Variants in DOCK1 observed in about 807,000 individuals in gnomAD.
DOCK1 encodes the protein dedicator of cytokinesis protein 1.
DOCK1 carries 138 observed loss-of-function variants against 262.7 expected under a neutral mutation model. That is an observed-to-expected ratio of 0.53 (90% confidence interval 0.46 to 0.61). The LOEUF (loss-of-function observed/expected upper bound fraction) is 0.61. DOCK1 is among the 20% of genes least tolerant of loss of function. The pLI is 0.00. For synonymous variants in DOCK1, 866 were observed against 867.4 expected (o/e 1.00, Z 0.03); for missense variants, 1,908 against 2,370.7 (o/e 0.80, Z 4.05).
intron 27 of DOCK1, among the ~76,000 whole-genome samples, chr10:127,168,967 A>G (rs554911028): frequency 1.3e-5 from 2 of 152,308 alleles, no homozygotes; most frequent in African/African-American, 4.8e-5. Flanking sequence ...TTATCCCCTG[A>G]CAGGTCTCTC....
At chr10:127,091,532 C>G (rs1159157062) in intron 23 of DOCK1, among the ~76,000 whole-genome samples, 1 of 152,194 alleles carries the variant, frequency 6.6e-6, no homozygotes, top group East Asian at 1.9e-4. Context: ...GAGATCTTCA[C>G]TGGGGATCAA....
At chr10:127,087,837 C>G (rs1312416817) in intron 23 of DOCK1, among the ~76,000 whole-genome samples, 2 of 152,148 alleles carry the variant, frequency 1.3e-5, no homozygotes, top group Non-Finnish European at 2.9e-5. Flanking sequence ...TACATGGGGA[C>G]TCTCACCCTG....
chr10:126,977,060 A>G (rs2038596672), intron 2 of DOCK1, among the ~76,000 whole-genome samples: 1 of 152,168 alleles, frequency 6.6e-6, no homozygotes, highest in Non-Finnish European at 1.5e-5. Flanking sequence ...TTAGCTTTCC[A>G]GAAACTAGAT....
intron 27 of DOCK1, among the ~76,000 whole-genome samples, chr10:127,180,965 C>T (rs1269886747): frequency 6.6e-6 from 1 of 152,104 alleles, no homozygotes; most frequent in Non-Finnish European, 1.5e-5. Context: ...GGTACAGCGT[C>T]GTTCTGGTTT....
chr10:127,039,965 C>T (rs2043910124), intron 19 of DOCK1, among the ~76,000 whole-genome samples: 1 of 152,126 alleles, frequency 6.6e-6, no homozygotes, highest in Non-Finnish European at 1.5e-5. Flanking sequence ...GTGTGAAGGC[C>T]CTCCTTCAGG....
At chr10:127,233,488 G>A (rs142832384) in intron 27 of DOCK1, among the ~76,000 whole-genome samples, 12 of 152,242 alleles carry the variant, frequency 7.9e-5, no homozygotes, top group African/African-American at 2.9e-4. Context: ...AATGTGATGT[G>A]AAACATCTAC....
intron 27 of DOCK1, among the ~76,000 whole-genome samples, chr10:127,198,798 A>C (rs533215594): frequency 2.0e-5 from 3 of 149,194 alleles, no homozygotes; most frequent in Admixed American, 1.3e-4. Context: ...GCTTAAGTGC[A>C]TGTCTTCAGC....
intron 1 of DOCK1, among the ~76,000 whole-genome samples, chr10:126,912,665 G>A (rs2031966274): frequency 6.6e-6 from 1 of 150,502 alleles, no homozygotes; most frequent in African/African-American, 2.5e-5. Context: ...GGCGGAGCTT[G>A]CAGTGAGCCG....
chr10:127,023,733 C>T (rs1258267052), intron 14 of DOCK1, among the ~76,000 whole-genome samples: 4 of 151,836 alleles, frequency 2.6e-5, no homozygotes, highest in African/African-American at 4.8e-5. Flanking sequence ...CCACAGTGCC[C>T]GAGCAGGTCC....
At chr10:127,380,559 T>C (rs909549894) in intron 36 of DOCK1, among the ~76,000 whole-genome samples, 1 of 152,234 alleles carries the variant, frequency 6.6e-6, no homozygotes, top group African/African-American at 2.4e-5. Context: ...GTGTTTTTTA[T>C]GTCTTTCTTC....
intron 21 of DOCK1, among the ~76,000 whole-genome samples, chr10:127,051,310 A>T (rs187705436): frequency 6.6e-6 from 1 of 152,084 alleles, no homozygotes; most frequent in Non-Finnish European, 1.5e-5. Context: ...TAAAATCTTC[A>T]TGTGTCCACT....
chr10:127,201,222 C>T (rs1338975831), intron 27 of DOCK1, among the ~76,000 whole-genome samples: 1 of 152,196 alleles, frequency 6.6e-6, no homozygotes, highest in East Asian at 1.9e-4. Flanking sequence ...TTCCCCTTGT[C>T]ATATTCTGCT....
chr10:127,125,415 A>G, intron 25 of DOCK1, 59 bp from the exon 26 acceptor site: 1 of 1,603,992 alleles, frequency 6.2e-7, no homozygotes, highest in East Asian at 2.2e-5. Context: ...AGCTTATAGC[A>G]AACACGAGTT....
intron 21 of DOCK1, among the ~76,000 whole-genome samples, chr10:127,045,418 C>T (rs773272860): frequency 3.9e-5 from 6 of 152,036 alleles, no homozygotes; most frequent in Non-Finnish European, 8.8e-5. Context: ...CATGGAAGGT[C>T]GCCTCCGCAT....
rs1489859592 is a variant in DOCK1 at position 127,326,217 on chromosome 10, C to T, written c.3045-12789C>T. On this transcript the variant is annotated intron_variant, in intron 29 of 51. Transcript: ENST00000623213. Reference sequence around the variant, plus strand: ...AAGGCAACAGTGAAATTTGCCACATCATTTGATGCTTCCTTTCACTCAAGA... The same window carrying T: ...AAGGCAACAGTGAAATTTGCCACATTATTTGATGCTTCCTTTCACTCAAGA... 2.6e-5 allele frequency among the ~76,000 whole-genome samples: 4 copies of T among 152,170 alleles called. No homozygotes were observed. In the East Asian group the frequency reaches 7.7e-4, roughly 29 times the overall value.
chr10:127,292,484 G>T (rs1000955124), intron 29 of DOCK1, among the ~76,000 whole-genome samples: 1 of 152,180 alleles, frequency 6.6e-6, no homozygotes, highest in Non-Finnish European at 1.5e-5. Flanking sequence ...TGGGCCACCA[G>T]TGTTTGTCAC....
intron 6 of DOCK1, among the ~76,000 whole-genome samples, chr10:126,993,123 T>A (rs1430460913): frequency 6.6e-6 from 1 of 152,264 alleles, no homozygotes; most frequent in Non-Finnish European, 1.5e-5. Context: ...GGTTTCCTCC[T>A]TTGTGCAATG....
intron 30 of DOCK1, among the ~76,000 whole-genome samples, chr10:127,342,323 C>T (rs2063469936): frequency 6.6e-6 from 1 of 152,070 alleles, no homozygotes; most frequent in Admixed American, 6.6e-5. Context: ...TTGACTGGCA[C>T]TCCCCTTTCT....
chr10:127,076,409 G>A (rs1466494646), intron 23 of DOCK1, among the ~76,000 whole-genome samples: 41 of 152,212 alleles, frequency 2.7e-4, no homozygotes, highest in Admixed American at 2.6e-3. Flanking sequence ...ACTGAGGCAG[G>A]AGAATCGCTT....
Sources: gnomAD v4.1 joint callset for allele counts (sites outside exome capture counted in the v4.1 genomes callset) on GRCh38, gnomAD v4.1.1 for gene constraint, MANE v1.5 for transcripts, NCBI Gene and HGNC (gene_info 2026-07-23, HGNC 2026-07-21) for gene names.